Variants in WNT10A observed in about 807,000 individuals in gnomAD.
The protein encoded by WNT10A is protein Wnt-10a.
Under a neutral mutation model 36.1 loss-of-function variants are expected in WNT10A, and 37 were observed. That is an observed-to-expected ratio of 1.02 (90% confidence interval 0.79 to 1.35). WNT10A has a LOEUF of 1.35. WNT10A is among the 40% of genes most tolerant of loss of function. The pLI is 0.00. For missense variants in WNT10A, 613 were observed against 601.4 expected, an observed-to-expected ratio of 1.02 and a Z score of -0.20; for synonymous variants, 255 against 254.1, an observed-to-expected ratio of 1.00 and a Z score of -0.03.
Position 218,890,105 on chromosome 2 carries a change from C to A in WNT10A, c.498C>A (p.Asp166Glu), listed in dbSNP as rs143463683. The A allele has an allele frequency of 1.9e-6, 3 of 1,614,160 alleles. No individual in the cohort carries two copies. The highest frequency in any genetic ancestry group is 2.2e-5 in the South Asian group (2 of 91,080). The change falls in exon 3 of 4, where the codon GAC becomes GAA. Residue 166 changes from aspartate to glutamate, a missense_variant. By Grantham distance (45) the Asp-to-Glu change is conservative. Transcript: ENST00000258411. Reference protein sequence around the residue: ...ACGCDASRRGDEEAFRRKLHR... With the variant: ...ACGCDASRRGEEEAFRRKLHR... ...GCTGTGATGCGTCCCGGCGAGGGGA[C>A]GAGGAGGCCTTCCGTAGGAAGCTGC...
Position 218,881,094 on chromosome 2 carries a change from T to G in WNT10A, c.99T>G (p.Ala33=). ...TCCTGTTCTTCCTACTGCTGCTGGCTGCTGCCATGCCCAGGTGAGCCCTCA... is the reference window on the plus strand; with the variant it reads ...TCCTGTTCTTCCTACTGCTGCTGGCGGCTGCCATGCCCAGGTGAGCCCTCA... The part of the protein sequence containing the change: ...WVLLFFLLLL[A]AAMPRSAPND... Residue 33 remains alanine (A), a synonymous_variant, in exon 1 of 4, where the codon GCT becomes GCG. Transcript: ENST00000258411. 1 of 1,599,752 alleles carries G rather than the reference T, an allele frequency of 6.3e-7. No homozygotes were observed. Among genetic ancestry groups the G allele is most frequent in the African/African-American group, 1.3e-5 (1 of 74,848 alleles).
Position 218,892,952 on chromosome 2 carries a change from C to T in WNT10A, c.935C>T (p.Pro312Leu), listed in dbSNP as rs368546071. ...AACCGCAACGGCGGCCAGCTGGAGC[C>T]GGGCCCAGCGGGGGCACCCTCGCCG... is the stretch of plus-strand genomic sequence containing the variant. ...PHNRNGGQLEPGPAGAPSPAP... is the reference protein window; with the variant it reads ...PHNRNGGQLELGPAGAPSPAP... Residue 312 changes from proline (P) to leucine (L), a missense_variant, in exon 4 of 4, where the codon CCG (proline) becomes CTG (leucine). Pro to Leu is a moderately conservative substitution (Grantham distance 98). Coordinates refer to ENST00000258411, the MANE Select transcript of WNT10A (RefSeq NM_025216.3). 1 of 1,440,536 alleles carries T rather than the reference C, an allele frequency of 6.9e-7. No homozygotes were observed. The highest frequency in any genetic ancestry group is 1.4e-5 in the South Asian group (1 of 69,584). The allele number at this position is 1,440,536 out of a possible 1,614,324, so 89.2% of individuals were successfully genotyped here.
Position 218,881,274 on chromosome 2 carries a change from G to A in WNT10A, c.113+166G>A, listed in dbSNP as rs550082829. On this transcript the variant is annotated intron_variant, in intron 1 of 3. Transcript: ENST00000258411. Reference sequence around the variant, plus strand: ...GCAGTGAGCTCCCTCATAGGAGGGGGTTGGACTGGTGACAGGATATGGGCA... The same window carrying A: ...GCAGTGAGCTCCCTCATAGGAGGGGATTGGACTGGTGACAGGATATGGGCA... Among the ~76,000 whole-genome samples the A allele has an allele frequency of 2.6e-5, 4 of 152,344 alleles. No homozygotes were observed. The South Asian group carries it at 8.3e-4, about 32-fold the overall frequency.
At chr2:218,889,912 G>T in intron 2 of WNT10A, 72 bp from the exon 3 acceptor site, 1 of 1,606,668 alleles carries the variant, frequency 6.2e-7, no homozygotes. Context: ...TTGGAATGAT[G>T]AGAAAGGTGG....
At chr2:218,892,355 A>T (rs1055119733) in intron 3 of WNT10A, among the ~76,000 whole-genome samples, 2 of 117,878 alleles carry the variant, frequency 1.7e-5, no homozygotes, top group Non-Finnish European at 3.6e-5. Context: ...ACACACACAC[A>T]CACACGGCCT....
Position 218,881,032 on chromosome 2 carries a change from C to A in WNT10A, c.37C>A (p.Arg13=). ...CCACCCTCGCCCCTGGCTGCGGCTCCGACCCCAGCCCCAGCCGCGGCCAGC... is the reference window on the plus strand; with the variant it reads ...CCACCCTCGCCCCTGGCTGCGGCTCAGACCCCAGCCCCAGCCGCGGCCAGC... ...SAHPRPWLRL[R]PQPQPRPALW... The change falls in exon 1 of 4, where the codon CGA becomes AGA. Residue 13 remains arginine, a synonymous_variant. Transcript: ENST00000258411. 1 of 1,600,306 alleles carries A rather than the reference C, an allele frequency of 6.2e-7. No homozygotes were observed. The highest frequency in any genetic ancestry group is 2.3e-5 in the East Asian group (1 of 44,354).
chr2:218,884,790 T>A (rs922478448), intron 2 of WNT10A, among the ~76,000 whole-genome samples: 4 of 152,354 alleles, frequency 2.6e-5, no homozygotes, highest in Non-Finnish European at 5.9e-5. Context: ...AGGAATCTCC[T>A]TTCTTTCCAA....
intron 2 of WNT10A, among the ~76,000 whole-genome samples, chr2:218,883,210 G>A (rs1944537801): frequency 6.6e-6 from 1 of 152,058 alleles, no homozygotes; most frequent in Admixed American, 6.5e-5. Context: ...CTTGACTTTT[G>A]GGAAGGATGG....
At chr2:218,880,699 C>T, upstream of WNT10A, 1 of 359,224 alleles carries the variant, frequency 2.8e-6, no homozygotes, top group Non-Finnish European at 5.0e-6. The surrounding 1 kb of genome is among the most constrained non-coding windows in gnomAD (Gnocchi z 7.7). Flanking sequence ...CCCCCTTACC[C>T]TTGAGAGGCA....
At position 218,880,964 on chromosome 2, in the gene WNT10A, C is replaced by T. The variant is rs890344729; in HGVS notation, c.-32C>T. 5 of 1,549,470 alleles carry T rather than the reference C, an allele frequency of 3.2e-6. No individual in the cohort carries two copies. In the Admixed American group the frequency reaches 9.7e-5, roughly 30 times the overall value. The stretch of plus-strand genomic sequence containing the variant: ...CTCCAGTCCCACTGGGCTGTGAGCC[C>T]CCCACTCCCAGCCCGTCAGGGCCTG... On this transcript the variant is annotated 5_prime_UTR_variant, in exon 1 of 4. Transcript: ENST00000258411. This position sits in a 1 kb window ranked among gnomAD's most constrained non-coding sequence, Gnocchi z 7.7.
intron 1 of WNT10A, 82 bp downstream of exon 1, chr2:218,881,190 G>T: frequency 6.5e-7 from 1 of 1,538,386 alleles, no homozygotes; most frequent in Non-Finnish European, 8.8e-7. Context: ...TGCTGGGGTA[G>T]AGGACCCTGG....
intron 2 of WNT10A, among the ~76,000 whole-genome samples, chr2:218,885,217 T>G (rs1190468959): frequency 6.6e-6 from 1 of 152,032 alleles, no homozygotes; most frequent in Non-Finnish European, 1.5e-5. Flanking sequence ...ATAGAGAGGG[T>G]CAGAAAAAGC....
intron 2 of WNT10A, among the ~76,000 whole-genome samples, chr2:218,887,718 A>T (rs1944595628): frequency 6.6e-6 from 1 of 152,258 alleles, no homozygotes; most frequent in Admixed American, 6.5e-5. Flanking sequence ...GTGAAACAAA[A>T]AACAATGGCC....
intron 1 of WNT10A, 24 bp downstream of exon 1, chr2:218,881,132 C>G: frequency 1.3e-6 from 2 of 1,571,822 alleles, no homozygotes; most frequent in African/African-American, 1.3e-5. Context: ...TCATGCTCCG[C>G]CCTCCTAGAG....
At chr2:218,889,880 C>G in intron 2 of WNT10A, 104 bp from the exon 3 acceptor site, 1 of 1,571,920 alleles carries the variant, frequency 6.4e-7, no homozygotes, top group Non-Finnish European at 8.7e-7. Context: ...GACTCTCCTG[C>G]ATACTGGGCT....
chr2:218,893,431 C>A lies in WNT10A; in HGVS notation c.*160C>A. 1 of 1,077,944 alleles carries A rather than the reference C, an allele frequency of 9.3e-7. No individual in the cohort carries two copies. Among genetic ancestry groups the A allele is most frequent in the Non-Finnish European group, 1.3e-6 (1 of 775,032 alleles). 66.8% of individuals were successfully genotyped at this position (1,077,944 alleles called of 1,614,324 possible). A position where few individuals can be genotyped will look rare whatever the true frequency, so the allele number is the denominator to read the frequency against. On this transcript the variant is annotated 3_prime_UTR_variant, in exon 4 of 4. Transcript: ENST00000258411. This position sits in a 1 kb window ranked among gnomAD's most constrained non-coding sequence, Gnocchi z 6.3. ...CCCTCAGCTCTGAGGTCTGTGATCG[C>A]CGGACAGTCCAGGCCTGTCTGAACC... is the stretch of plus-strand genomic sequence containing the variant.
At position 218,893,460 on chromosome 2, in the gene WNT10A, C is replaced by T; in HGVS notation, c.*189C>T. The T allele has an allele frequency of 3.9e-6, 3 of 764,180 alleles. No individual in the cohort carries two copies. In the South Asian group the frequency reaches 6.7e-5, roughly 17 times the overall value. The allele number at this position is 764,180 out of a possible 1,614,324, so 47.3% of individuals were successfully genotyped here. A position where few individuals can be genotyped will look rare whatever the true frequency, so the allele number is the denominator to read the frequency against. On this transcript the variant is annotated 3_prime_UTR_variant, in exon 4 of 4. Coordinates refer to ENST00000258411, the MANE Select transcript of WNT10A (RefSeq NM_025216.3). The surrounding 1 kb of genome is among the most constrained non-coding windows in gnomAD (Gnocchi z 6.3). The stretch of plus-strand genomic sequence containing the variant: ...ACAGTCCAGGCCTGTCTGAACCCCA[C>T]CACTCACTTCTGTGGGCTCTAGGAC...
chr2:218,885,881 T>C (rs1944571973), intron 2 of WNT10A, among the ~76,000 whole-genome samples: 2 of 152,334 alleles, frequency 1.3e-5, no homozygotes, highest in Middle Eastern at 6.8e-3. Flanking sequence ...CAACACATAC[T>C]AAGCACCTGC....
In WNT10A at chr2:218,881,289, G is replaced by A. The variant is rs571429666; in HGVS notation, c.113+181G>A. ...ATAGGAGGGGGTTGGACTGGTGACA[G>A]GATATGGGCAGTCCAGGGAGACAAG... On this transcript the variant is annotated intron_variant, in intron 1 of 3. Transcript: ENST00000258411. Among the ~76,000 whole-genome samples, 5 of 152,336 alleles carry A rather than the reference G, an allele frequency of 3.3e-5. No homozygotes were observed. The South Asian group carries it at 8.3e-4, about 25-fold the overall frequency.
Sources: allele counts gnomAD v4.1 joint callset (sites outside exome capture counted in the v4.1 genomes callset), GRCh38; gene constraint gnomAD v4.1.1; non-coding constraint Gnocchi (gnomAD v3.1); transcripts MANE v1.5; gene names NCBI Gene and HGNC (gene_info 2026-07-23, HGNC 2026-07-21).